SV2B: variants seen among roughly 807,000 people sequenced by gnomAD.
The protein encoded by SV2B is solute carrier family 22 member B2.
Under a neutral mutation model 73.9 loss-of-function variants are expected in SV2B, and 41 were observed. The observed-to-expected ratio is 0.56, with a 90% CI of 0.43 to 0.72. The LOEUF is 0.72. Among genes scored for constraint, SV2B ranks in the 30% least tolerant of loss-of-function variants. SV2B has a pLI of 0.00. For synonymous variants in SV2B, 314 were observed against 314.2 expected (o/e 1.00, Z 0.01); for missense variants, 764 against 857.8 (o/e 0.89, Z 1.37).
intron 11 of SV2B, among the ~76,000 whole-genome samples, chr15:91,286,398 A>C (rs904765979): frequency 6.6e-6 from 1 of 152,158 alleles, no homozygotes; most frequent in Admixed American, 6.5e-5. Flanking sequence ...AGCGGAGTAG[A>C]AGTTTTCCTG....
intron 1 of SV2B, among the ~76,000 whole-genome samples, chr15:91,206,430 T>C (rs1234573098): frequency 6.6e-6 from 1 of 152,142 alleles, no homozygotes; most frequent in East Asian, 1.9e-4. Context: ...CATACATGGG[T>C]GATGTGCTCA....
At chr15:91,148,582 G>A (rs2043216148) in intron 1 of SV2B, among the ~76,000 whole-genome samples, 1 of 152,150 alleles carries the variant, frequency 6.6e-6, no homozygotes, top group Non-Finnish European at 1.5e-5. Context: ...AGATGAAAAG[G>A]AGAAGCCACG....
rs2047515399 is a variant in SV2B at position 91,252,269 on chromosome 15, C to T, written c.633-100C>T. On this transcript the variant is annotated intron_variant, in intron 3 of 12. Coordinates refer to ENST00000394232, the MANE Select transcript of SV2B (RefSeq NM_001323032.3). This position sits in a 1 kb window ranked among gnomAD's most constrained non-coding sequence, Gnocchi z 4.6. ...GTCTCTCAAATTCACTGGGTCCTTT[C>T]ACCACAGAGCCTAAGGTGGGGTATA... is the stretch of plus-strand genomic sequence containing the variant. 3 of 1,464,304 alleles carry T rather than the reference C, an allele frequency of 2.0e-6. No individual in the cohort carries two copies. Among genetic ancestry groups the T allele is most frequent in the Admixed American group, 2.2e-5 (1 of 45,894 alleles). 90.7% of individuals were successfully genotyped at this position (1,464,304 alleles called of 1,614,324 possible).
At chr15:91,111,661 G>A (rs968614322) in intron 1 of SV2B, among the ~76,000 whole-genome samples, 1 of 152,130 alleles carries the variant, frequency 6.6e-6, no homozygotes, top group Non-Finnish European at 1.5e-5. Flanking sequence ...AACAATAGGG[G>A]GTTTGGTGTA....
chr15:91,268,429 TCTC>T lies in SV2B; in HGVS notation c.1209-10_1209-8del. 6.2e-7 allele frequency: 1 copy of T among 1,606,672 alleles called. No homozygotes were observed. Among genetic ancestry groups the T allele is most frequent in the South Asian group, 1.1e-5 (1 of 90,600 alleles). On this transcript the variant is annotated splice_polypyrimidine_tract_variant and intron_variant, in intron 8 of 12. Coordinates refer to ENST00000394232, the MANE Select transcript of SV2B (RefSeq NM_001323032.3). The surrounding 1 kb of genome is among the most constrained non-coding windows in gnomAD (Gnocchi z 4.4). ...CTGTTGTTGTTGCAACCTTCTGCCTTCTCCACTCCAGTTACTATGGACTGACAG... is the reference window on the plus strand; with the variant it reads ...CTGTTGTTGTTGCAACCTTCTGCCTTCACTCCAGTTACTATGGACTGACAG...
At chr15:91,200,181 A>C (rs138224555) in intron 1 of SV2B, among the ~76,000 whole-genome samples, 1 of 152,330 alleles carries the variant, frequency 6.6e-6, no homozygotes, top group East Asian at 1.9e-4. Flanking sequence ...CACTGAGGGA[A>C]TCTGATGCTT....
At position 91,265,336 on chromosome 15, in the gene SV2B, T is replaced by A. The variant is rs1367012184; in HGVS notation, c.1009-1246T>A. ...GCTGAGAACCCACGATCTGCAGGGCTGGGGGAACACAGGCCATATTCTAAT... is the reference window on the plus strand; with the variant it reads ...GCTGAGAACCCACGATCTGCAGGGCAGGGGGAACACAGGCCATATTCTAAT... On this transcript the variant is annotated intron_variant, in intron 6 of 12. Coordinates refer to ENST00000394232, the MANE Select transcript of SV2B (RefSeq NM_001323032.3). This position sits in a 1 kb window ranked among gnomAD's most constrained non-coding sequence, Gnocchi z 4.2. 6.6e-6 allele frequency among the ~76,000 whole-genome samples: 1 copy of A among 152,206 alleles called. No individual in the cohort carries two copies. Among genetic ancestry groups the A allele is most frequent in the East Asian group, 1.9e-4 (1 of 5,200 alleles).
chr15:91,214,001 G>A lies in SV2B; in HGVS notation c.-391-11872G>A, dbSNP rs896629854. Among the ~76,000 whole-genome samples the A allele has an allele frequency of 1.3e-5, 2 of 152,194 alleles. No individual in the cohort carries two copies. Among genetic ancestry groups the A allele is most frequent in the Admixed American group, 6.5e-5 (1 of 15,284 alleles). ...TCTATGTGATTCAGTGTTATTGAATGGTATGTTCAAACACCTTTTGAAGTC... is the reference window on the plus strand; with the variant it reads ...TCTATGTGATTCAGTGTTATTGAATAGTATGTTCAAACACCTTTTGAAGTC... On this transcript the variant is annotated intron_variant, in intron 1 of 12. Coordinates refer to ENST00000394232, the MANE Select transcript of SV2B (RefSeq NM_001323032.3). This position sits in a 1 kb window ranked among gnomAD's most constrained non-coding sequence, Gnocchi z 4.7.
chr15:91,268,671 G>C lies in SV2B; in HGVS notation c.1373+66G>C. 6.5e-7 allele frequency: 1 copy of C among 1,547,998 alleles called. No individual in the cohort carries two copies. The highest frequency in any genetic ancestry group is 1.2e-5 in the South Asian group (1 of 83,124). ...AGTCGTGGGGACTGTTATTGGGAGGGAGCCGGAGGGAAGATAAGAATCAAA... is the reference window on the plus strand; with the variant it reads ...AGTCGTGGGGACTGTTATTGGGAGGCAGCCGGAGGGAAGATAAGAATCAAA... On this transcript the variant is annotated intron_variant, in intron 9 of 12. Coordinates refer to ENST00000394232, the MANE Select transcript of SV2B (RefSeq NM_001323032.3). This position sits in a 1 kb window ranked among gnomAD's most constrained non-coding sequence, Gnocchi z 4.4.
At chr15:91,198,464 T>TG (rs2045336095) in intron 1 of SV2B, among the ~76,000 whole-genome samples, 1 of 140,562 alleles carries the variant, frequency 7.1e-6, no homozygotes, top group Admixed American at 6.8e-5. Context: ...TATGTGTGTG[T>TG]GTGTGTGTGT....
rs578083091 is a variant in SV2B at position 91,163,292 on chromosome 15, C to T, written c.-391-62581C>T. ...GGGTGTGTACCCAGTAGTGGGATGG[C>T]TGGGTCAAATGGTATTTCTAGTTCT... On this transcript the variant is annotated intron_variant, in intron 1 of 12. Coordinates refer to ENST00000394232, the MANE Select transcript of SV2B (RefSeq NM_001323032.3). Among the ~76,000 whole-genome samples, 23 of 152,330 alleles carry T rather than the reference C, an allele frequency of 1.5e-4. No homozygotes were observed. In the South Asian group the frequency reaches 3.5e-3, roughly 23 times the overall value.
rs144287210 is a variant in SV2B, at chr15:91,131,372, T to G, written c.-392+31009T>G. Among the ~76,000 whole-genome samples the G allele has an allele frequency of 4.5e-3, 675 of 151,236 alleles. 4 individuals carry two copies. The highest frequency in any genetic ancestry group is 0.016 in the African/African-American group (641 of 41,002). On this transcript the variant is annotated intron_variant, in intron 1 of 12. Coordinates refer to ENST00000394232, the MANE Select transcript of SV2B (RefSeq NM_001323032.3). ...CAAGCAGGACTGGGGGTCAGTCGATTTGAACATCTGTATTGGGGGGGGTTG... is the reference window on the plus strand; with the variant it reads ...CAAGCAGGACTGGGGGTCAGTCGATGTGAACATCTGTATTGGGGGGGGTTG...
intron 1 of SV2B, among the ~76,000 whole-genome samples, chr15:91,213,760 A>G (rs1342174646): frequency 6.6e-6 from 1 of 152,228 alleles, no homozygotes; most frequent in Non-Finnish European, 1.5e-5. Context: ...TACTATAAAA[A>G]AAGACAGTAA....
rs2042832189 is a variant in SV2B at position 91,136,549 on chromosome 15, T to C, written c.-392+36186T>C. Among the ~76,000 whole-genome samples, 2 of 152,216 alleles carry C rather than the reference T, an allele frequency of 1.3e-5. No individual in the cohort carries two copies. The highest frequency in any genetic ancestry group is 2.1e-4 in the South Asian group (1 of 4,830). ...TCTTGACTCAGCTGTCTGCAAGCCC[T>C]TTACATCTTCATTTCATTACTGGCC... On this transcript the variant is annotated intron_variant, in intron 1 of 12. Coordinates refer to ENST00000394232, the MANE Select transcript of SV2B (RefSeq NM_001323032.3). This position sits in a 1 kb window ranked among gnomAD's most constrained non-coding sequence, Gnocchi z 5.6.
chr15:91,221,693 G>GCACACACACACACA (rs3082137), intron 1 of SV2B, among the ~76,000 whole-genome samples: 16 of 140,066 alleles, frequency 1.1e-4, no homozygotes, highest in Admixed American at 2.8e-4. Context: ...AAGCATGTGC[G>GCACACACACACACA]CACACACACA....
At chr15:91,276,137 A>G (rs751587025) in intron 9 of SV2B, among the ~76,000 whole-genome samples, 11 of 151,072 alleles carry the variant, frequency 7.3e-5, no homozygotes, top group Non-Finnish European at 1.5e-4. Context: ...CTTTCTGATG[A>G]GAAGTCTGCT....
At chr15:91,211,591 C>T (rs2045865621) in intron 1 of SV2B, among the ~76,000 whole-genome samples, 1 of 151,338 alleles carries the variant, frequency 6.6e-6, no homozygotes, top group Non-Finnish European at 1.5e-5. Flanking sequence ...GCAACCTCTG[C>T]CTTCCGGGTT....
At chr15:91,174,969 A>G (rs1230528979) in intron 1 of SV2B, among the ~76,000 whole-genome samples, 1 of 152,166 alleles carries the variant, frequency 6.6e-6, no homozygotes, top group Non-Finnish European at 1.5e-5. Context: ...ATCACCATGA[A>G]GTTCTCCAAG....
chr15:91,119,240 T>G (rs1216600870), intron 1 of SV2B, among the ~76,000 whole-genome samples: 1 of 152,240 alleles, frequency 6.6e-6, no homozygotes, highest in East Asian at 1.9e-4. Context: ...GACAATCTTT[T>G]AGCTCTCAGG....
Sources: gnomAD v4.1 joint callset for allele counts (sites outside exome capture counted in the v4.1 genomes callset) on GRCh38, gnomAD v4.1.1 for gene constraint, Gnocchi (gnomAD v3.1) non-coding constraint, MANE v1.5 for transcripts, NCBI Gene and HGNC (gene_info 2026-07-23, HGNC 2026-07-21) for gene names.